The following LEPR variants were observed in gnomAD, a reference collection of about 807,000 sequenced individuals.
LEPR encodes OB receptor.
In LEPR, 56 loss-of-function variants were observed where a neutral mutation model predicts 114.7. The observed-to-expected ratio is 0.49, with a 90% CI of 0.39 to 0.61. The LOEUF (loss-of-function observed/expected upper bound fraction) is 0.61. Ranked by LOEUF, LEPR falls within the 20% of genes least tolerant of loss-of-function variation. The pLI is 0.00. For synonymous variants in LEPR, 443 were observed against 461.4 expected (o/e 0.96, Z 0.51); for missense variants, 1,202 against 1,352.9 (o/e 0.89, Z 1.75).
intron 2 of LEPR, among the ~76,000 whole-genome samples, chr1:65,430,731 A>G (rs771201765): frequency 6.6e-6 from 1 of 151,698 alleles, no homozygotes; most frequent in Non-Finnish European, 1.5e-5. Context: ...GCTACTTGTA[A>G]AACACCAGAA....
At chr1:65,577,770 T>C (rs189527784) in intron 5 of LEPR, 3 of 155,692 alleles carry the variant, frequency 1.9e-5, no homozygotes, top group Admixed American at 1.9e-4. Context: ...ATAGAATTGT[T>C]TTGGAAATGG....
intron 2 of LEPR, among the ~76,000 whole-genome samples, chr1:65,546,284 G>C (rs1354887452): frequency 6.6e-6 from 1 of 152,136 alleles, no homozygotes; most frequent in Non-Finnish European, 1.5e-5. Flanking sequence ...TTGACTTGGC[G>C]ATGCGGGCTC....
intron 2 of LEPR, among the ~76,000 whole-genome samples, chr1:65,505,185 T>G (rs1232050938): frequency 1.3e-5 from 2 of 152,146 alleles, no homozygotes; most frequent in Admixed American, 1.3e-4. Flanking sequence ...ATGAGTATGA[T>G]AAAAATAAAG....
chr1:65,527,882 C>G (rs187848243), intron 2 of LEPR, among the ~76,000 whole-genome samples: 259 of 152,174 alleles, frequency 1.7e-3, no homozygotes, highest in Middle Eastern at 0.017. Flanking sequence ...TCGTAGAACT[C>G]AAATATACCC....
intron 5 of LEPR, among the ~76,000 whole-genome samples, chr1:65,572,928 C>G (rs1654307260): frequency 6.6e-6 from 1 of 152,160 alleles, no homozygotes; most frequent in African/African-American, 2.4e-5. Context: ...GCACGGCTGG[C>G]TCTCTCTTGC....
intron 2 of LEPR, among the ~76,000 whole-genome samples, chr1:65,428,420 A>C (rs1041519143): frequency 2.0e-5 from 3 of 152,174 alleles, no homozygotes; most frequent in Non-Finnish European, 4.4e-5. Context: ...TGTTGAAAGA[A>C]GGGCTTTGAA....
At chr1:65,450,832 G>C (rs999540127) in intron 2 of LEPR, among the ~76,000 whole-genome samples, 3 of 151,788 alleles carry the variant, frequency 2.0e-5, no homozygotes, top group Non-Finnish European at 4.4e-5. Flanking sequence ...TCTAGTTCTA[G>C]ATCCCTGAGG....
intron 5 of LEPR, among the ~76,000 whole-genome samples, chr1:65,590,027 A>T (rs1570763315): frequency 1.3e-5 from 2 of 151,854 alleles, no homozygotes; most frequent in African/African-American, 4.8e-5. Flanking sequence ...TGGCATATTA[A>T]CCATATTGAG....
chr1:65,459,306 TGA>T (rs1032605201), intron 2 of LEPR, among the ~76,000 whole-genome samples: 15 of 152,066 alleles, frequency 9.9e-5, no homozygotes, highest in African/African-American at 3.6e-4. Flanking sequence ...AGCTGACCTC[TGA>T]GAGTTGCCCT....
intron 2 of LEPR, among the ~76,000 whole-genome samples, chr1:65,529,996 C>T (rs549167995): frequency 8.5e-5 from 13 of 152,152 alleles, no homozygotes; most frequent in South Asian, 6.2e-4. Flanking sequence ...TTGATGATTC[C>T]GAAAGTGATA....
intron 2 of LEPR, among the ~76,000 whole-genome samples, chr1:65,550,687 T>C (rs1487552579): frequency 6.6e-6 from 1 of 152,178 alleles, no homozygotes; most frequent in Non-Finnish European, 1.5e-5. Context: ...AGTATTCAGG[T>C]GGGAGTGACC....
At chr1:65,534,962 G>A (rs915594475) in intron 2 of LEPR, among the ~76,000 whole-genome samples, 15 of 152,132 alleles carry the variant, frequency 9.9e-5, no homozygotes, top group Non-Finnish European at 1.8e-4. Flanking sequence ...AACTTTAGCC[G>A]CTGTTATTTG....
At chr1:65,535,927 G>A (rs1011210686) in intron 2 of LEPR, among the ~76,000 whole-genome samples, 2 of 152,078 alleles carry the variant, frequency 1.3e-5, no homozygotes, top group Non-Finnish European at 2.9e-5. Context: ...CCACTCTATG[G>A]AATCTTTTAT....
chr1:65,626,791 G>C (rs954068958), intron 19 of LEPR, among the ~76,000 whole-genome samples: 2 of 151,904 alleles, frequency 1.3e-5, no homozygotes, highest in African/African-American at 4.8e-5. Context: ...CCATAGGCGC[G>C]TGCCACCACG....
At position 65,601,681 on chromosome 1, in the gene LEPR, T is replaced by C. The variant is rs749994513; in HGVS notation, c.1284T>C (p.Ile428=). The C allele has an allele frequency of 1.9e-5, 31 of 1,613,490 alleles. No individual in the cohort carries two copies. Among genetic ancestry groups the C allele is most frequent in the Non-Finnish European group, 2.5e-5 (30 of 1,179,690 alleles). The change falls in exon 9 of 20, where the codon ATT becomes ATC. Residue 428 remains isoleucine, a splice_region_variant and synonymous_variant. Coordinates refer to ENST00000349533, the MANE Select transcript of LEPR (RefSeq NM_002303.6). The part of the protein sequence containing the change: ...CHHRYAELYV[I]DVNINISCET... ...ATCGCTATGCTGAATTATATGTGAT[T>C]GGTAAGAAAACAGAGGTTTTGTTCA...
intron 2 of LEPR, among the ~76,000 whole-genome samples, chr1:65,431,038 A>G (rs936802924): frequency 8.5e-5 from 13 of 152,330 alleles, no homozygotes; most frequent in African/African-American, 2.6e-4. Flanking sequence ...TAAGGCTGGA[A>G]GGGTTGTGAA....
At chr1:65,590,117 C>T (rs866662981) in intron 5 of LEPR, among the ~76,000 whole-genome samples, 1 of 151,762 alleles carries the variant, frequency 6.6e-6, no homozygotes, top group Non-Finnish European at 1.5e-5. Flanking sequence ...TCATAGTTTT[C>T]AATGTGCAGA....
At chr1:65,553,605 C>T (rs368170870) in intron 2 of LEPR, among the ~76,000 whole-genome samples, 60 of 151,928 alleles carry the variant, frequency 3.9e-4, no homozygotes, top group Admixed American at 2.5e-3. Flanking sequence ...TTTTCTAGTT[C>T]GCAATTCCTC....
chr1:65,573,137 A>C (rs1246342686), intron 5 of LEPR, among the ~76,000 whole-genome samples: 1 of 152,218 alleles, frequency 6.6e-6, no homozygotes, highest in Non-Finnish European at 1.5e-5. Flanking sequence ...TACCTTTTAC[A>C]GACAACAGTG....
Sources: allele counts gnomAD v4.1 joint callset (sites outside exome capture counted in the v4.1 genomes callset), GRCh38; gene constraint gnomAD v4.1.1; transcripts MANE v1.5; gene names NCBI Gene and HGNC (gene_info 2026-07-23, HGNC 2026-07-21).